The following ZFAND5 variants were observed in gnomAD, a reference collection of about 807,000 sequenced individuals.
ZFAND5 encodes zinc finger AN1-type containing 5, also known as AN1-type zinc finger protein 5.
ZFAND5 carries 4 observed loss-of-function variants against 23.6 expected under a neutral mutation model. That is an observed-to-expected ratio of 0.17 (90% confidence interval 0.08 to 0.39). The LOEUF is 0.39. ZFAND5 is among the 10% of genes least tolerant of loss of function. The pLI is 1.00. For synonymous variants in ZFAND5, 68 were observed against 80.6 expected, an observed-to-expected ratio of 0.84 and a Z score of 0.84; for missense variants, 161 against 253.7, an observed-to-expected ratio of 0.63 and a Z score of 2.48.
intron 1 of ZFAND5, 113 bp downstream of exon 1, chr9:72,364,583 T>C (rs1842209336): frequency 1.6e-6 from 2 of 1,248,612 alleles, no homozygotes; most frequent in Non-Finnish European, 2.1e-6. Context: ...GACGCCGCCA[T>C]CCGCGGCCTG....
intron 4 of ZFAND5, among the ~76,000 whole-genome samples, 191 bp from the exon 5 acceptor site, chr9:72,359,712 A>T (rs1336414220): frequency 2.0e-5 from 3 of 152,188 alleles, no homozygotes; most frequent in African/African-American, 7.2e-5. Context: ...TAAATGGCTC[A>T]TGAACTCGAG....
chr9:72,361,219 T>C (rs1198948711), intron 2 of ZFAND5, among the ~76,000 whole-genome samples: 1 of 152,244 alleles, frequency 6.6e-6, no homozygotes, highest in African/African-American at 2.4e-5. Flanking sequence ...TTCTTTAAAC[T>C]GGATGAATAA....
intron 3 of ZFAND5, 186 bp from the exon 4 acceptor site, chr9:72,360,407 A>G: frequency 4.8e-6 from 4 of 833,590 alleles, no homozygotes; most frequent in Middle Eastern, 3.6e-4. Flanking sequence ...ACAAGTGTGA[A>G]ACAAAATAAC....
rs1262478699 is a variant in ZFAND5 at position 72,354,681 on chromosome 9, ATACT to A, written c.*1268_*1271del. The A allele has an allele frequency of 1.3e-5, 2 of 152,634 alleles. No individual in the cohort carries two copies. Among genetic ancestry groups the A allele is most frequent in the African/African-American group, 4.8e-5 (2 of 41,458 alleles). The allele number at this position is 152,634 out of a possible 1,614,324, so 9.5% of individuals were successfully genotyped here. A position where few individuals can be genotyped will look rare whatever the true frequency, so the allele number is the denominator to read the frequency against. ...AAATCAGAAGTAGTGCCTCGTGTACATACTTAACTATTTACAGATGAAAACAGGC... is the reference window on the plus strand; with the variant it reads ...AAATCAGAAGTAGTGCCTCGTGTACATAACTATTTACAGATGAAAACAGGC... On this transcript the variant is annotated 3_prime_UTR_variant, in exon 7 of 7. Coordinates refer to ENST00000376962, the MANE Select transcript of ZFAND5 (RefSeq NM_001102420.3).
At chr9:72,360,026 T>C (rs1274428816) in intron 4 of ZFAND5, 84 bp downstream of exon 4, 2 of 1,128,558 alleles carry the variant, frequency 1.8e-6, no homozygotes, top group East Asian at 4.8e-5. Context: ...GCCAAGGGTA[T>C]CTATTAACTT....
chr9:72,363,997 G>A (rs999993374), intron 1 of ZFAND5: 1 of 152,974 alleles, frequency 6.5e-6, no homozygotes, highest in African/African-American at 2.4e-5. Flanking sequence ...ACCAAACAAA[G>A]GAGGTGTTCC....
chr9:72,359,909 A>G (rs1246057607), intron 4 of ZFAND5, among the ~76,000 whole-genome samples: 1 of 152,206 alleles, frequency 6.6e-6, no homozygotes, highest in African/African-American at 2.4e-5. Flanking sequence ...AGCATTTCCA[A>G]CACAGTATCC....
chr9:72,364,793 T>TGCC lies in ZFAND5; in HGVS notation c.-247_-245dup. ...GGGAAGGCTGAGCCGGGCGCCCTGG[T>TGCC]GCCGCCGCCGCGGGCCGGGAGCGGG... On this transcript the variant is annotated 5_prime_UTR_variant, in exon 1 of 7. Coordinates refer to ENST00000376962, the MANE Select transcript of ZFAND5 (RefSeq NM_001102420.3). 4.3e-6 allele frequency: 1 copy of TGCC among 232,004 alleles called. No individual in the cohort carries two copies. Among genetic ancestry groups the TGCC allele is most frequent in the South Asian group, 9.9e-5 (1 of 10,052 alleles). The allele number at this position is 232,004 out of a possible 1,614,324, so 14.4% of individuals were successfully genotyped here. A position where few individuals can be genotyped will look rare whatever the true frequency, so the allele number is the denominator to read the frequency against.
chr9:72,356,146 T>TAA, intron 6 of ZFAND5, 45 bp from the exon 7 acceptor site: 1 of 1,573,238 alleles, frequency 6.4e-7, no homozygotes, highest in Non-Finnish European at 8.6e-7. Context: ...TTGAGGCAAT[T>TAA]AAAAGAAAAA....
rs1309848637 is a variant in ZFAND5 at position 72,354,988 on chromosome 9, T to C, written c.*965A>G. On this transcript the variant is annotated 3_prime_UTR_variant, in exon 7 of 7. Coordinates refer to ENST00000376962, the MANE Select transcript of ZFAND5 (RefSeq NM_001102420.3). Reference sequence around the variant, plus strand: ...AGAAGTCTACTGCAGCCATGTTGGTTATGATTTTCCATGCAGAAGGGTACA... The same window carrying C: ...AGAAGTCTACTGCAGCCATGTTGGTCATGATTTTCCATGCAGAAGGGTACA... 1 of 152,634 alleles carries C rather than the reference T, an allele frequency of 6.6e-6. No individual in the cohort carries two copies. Among genetic ancestry groups the C allele is most frequent in the African/African-American group, 2.4e-5 (1 of 41,446 alleles). 9.5% of individuals were successfully genotyped at this position (152,634 alleles called of 1,614,324 possible).
intron 3 of ZFAND5, 63 bp downstream of exon 3, chr9:72,360,565 T>C: frequency 6.2e-7 from 1 of 1,604,042 alleles, no homozygotes; most frequent in Non-Finnish European, 8.5e-7. Context: ...CAGCCCCAAT[T>C]CTTGGTTCTG....
At chr9:72,360,456 G>T in intron 3 of ZFAND5, 172 bp downstream of exon 3, 1 of 926,380 alleles carries the variant, frequency 1.1e-6, no homozygotes, top group Non-Finnish European at 1.6e-6. Flanking sequence ...GATGCTTGTA[G>T]ATAGTCATTC....
chr9:72,358,219 A>G (rs191819343), intron 5 of ZFAND5, among the ~76,000 whole-genome samples: 1 of 152,222 alleles, frequency 6.6e-6, no homozygotes, highest in East Asian at 1.9e-4. Context: ...AGACTAAACG[A>G]ACAATATTCT....
In ZFAND5 at chr9:72,365,158, G is replaced by A. The variant is rs1255615343; in HGVS notation, c.-609C>T. ...GGGAAGCTGCGCGGCTCCCGGGAGCGAGCGAGCCCGCGTAGGAGATGCACA... is the reference window on the plus strand; with the variant it reads ...GGGAAGCTGCGCGGCTCCCGGGAGCAAGCGAGCCCGCGTAGGAGATGCACA... On this transcript the variant is annotated 5_prime_UTR_variant, in exon 1 of 7. Coordinates refer to ENST00000376962, the MANE Select transcript of ZFAND5 (RefSeq NM_001102420.3). 6.6e-6 allele frequency: 1 copy of A among 152,226 alleles called. No homozygotes were observed. Among genetic ancestry groups the A allele is most frequent in the Non-Finnish European group, 1.5e-5 (1 of 68,066 alleles). The allele number at this position is 152,226 out of a possible 1,614,324, so 9.4% of individuals were successfully genotyped here. A position where few individuals can be genotyped will look rare whatever the true frequency, so the allele number is the denominator to read the frequency against.
chr9:72,355,836 G>C lies in ZFAND5; in HGVS notation c.*117C>G. 1.1e-6 allele frequency: 1 copy of C among 926,588 alleles called. No homozygotes were observed. Among genetic ancestry groups the C allele is most frequent in the Non-Finnish European group, 1.6e-6 (1 of 627,842 alleles). 57.4% of individuals were successfully genotyped at this position (926,588 alleles called of 1,614,324 possible). A position where few individuals can be genotyped will look rare whatever the true frequency, so the allele number is the denominator to read the frequency against. The stretch of plus-strand genomic sequence containing the variant: ...AAAATATCAATTATAAGACAGACAA[G>C]TGTAATGTAAAACTCTGGAGAACAT... On this transcript the variant is annotated 3_prime_UTR_variant, in exon 7 of 7. Transcript: ENST00000376962.
intron 3 of ZFAND5, 54 bp from the exon 4 acceptor site, chr9:72,360,275 A>G (rs1282251578): frequency 2.5e-5 from 35 of 1,426,318 alleles, no homozygotes; most frequent in Middle Eastern, 1.8e-4. Context: ...AAACTCACTT[A>G]GTATCAAGAC....
Position 72,355,998 on chromosome 9 carries a change from T to C in ZFAND5, c.597A>G (p.Arg199=), listed in dbSNP as rs769951584. ...DYKAEAAAKI[R]KENPVVVAEK... is the part of the protein sequence containing the mutation. Reference sequence around the variant, plus strand: ...CAGCCACAACAACTGGATTCTCTTTTCTGATTTTTGCTGCAGCTTCTGCTT... The same window carrying C: ...CAGCCACAACAACTGGATTCTCTTTCCTGATTTTTGCTGCAGCTTCTGCTT... Residue 199 remains arginine, a synonymous_variant, in exon 7 of 7, where the codon AGA becomes AGG. Coordinates refer to ENST00000376962, the MANE Select transcript of ZFAND5 (RefSeq NM_001102420.3). The C allele has an allele frequency of 1.2e-6, 2 of 1,613,200 alleles. No homozygotes were observed. Among genetic ancestry groups the C allele is most frequent in the East Asian group, 2.2e-5 (1 of 44,872 alleles).
chr9:72,359,298 C>G (rs925811493), intron 5 of ZFAND5, 120 bp downstream of exon 5: 1 of 850,610 alleles, frequency 1.2e-6, no homozygotes, highest in Non-Finnish European at 1.8e-6. Context: ...CTTTGCTTGG[C>G]CTATATTTTA....
intron 1 of ZFAND5, 21 bp downstream of exon 1, chr9:72,364,675 C>G (rs1474485304): frequency 9.0e-7 from 1 of 1,105,200 alleles, no homozygotes; most frequent in Admixed American, 4.4e-5. Flanking sequence ...CGGCTCCCAC[C>G]CGCAGCCCCG....
Sources: gnomAD v4.1 joint callset for allele counts (sites outside exome capture counted in the v4.1 genomes callset) on GRCh38, gnomAD v4.1.1 for gene constraint, MANE v1.5 for transcripts, NCBI Gene and HGNC (gene_info 2026-07-23, HGNC 2026-07-21) for gene names.